Variants in NACC2 observed in about 807,000 individuals in gnomAD.
NACC2 encodes NACC family member 2, also known as nucleus accumbens-associated protein 2.
In NACC2, 8 loss-of-function variants were observed where a neutral mutation model predicts 25.1. The observed-to-expected ratio is 0.32, with a 90% confidence interval of 0.19 to 0.57. NACC2 has a LOEUF of 0.57. Among genes scored for constraint, NACC2 ranks in the 20% least tolerant of loss-of-function variants. NACC2 has a pLI of 0.89. For missense variants in NACC2, 644 were observed against 650.2 expected, an observed-to-expected ratio of 0.99 and a Z score of 0.10; for synonymous variants, 435 against 294.7, an observed-to-expected ratio of 1.48 and a Z score of -4.88.
chr9:136,051,119 C>T (rs1193783750), intron 1 of NACC2, among the ~76,000 whole-genome samples: 2 of 152,200 alleles, frequency 1.3e-5, no homozygotes, highest in African/African-American at 4.8e-5. Context: ...CAGAGGGCCC[C>T]TGCGGGGAAG....
chr9:136,069,246 T>C (rs1841122594), intron 1 of NACC2, among the ~76,000 whole-genome samples: 1 of 151,712 alleles, frequency 6.6e-6, no homozygotes, highest in Admixed American at 6.6e-5. Flanking sequence ...CTGAGTCATA[T>C]TTTAAAATGT....
At chr9:136,026,269 G>A (rs967454403) in intron 2 of NACC2, among the ~76,000 whole-genome samples, 6 of 148,446 alleles carry the variant, frequency 4.0e-5, no homozygotes, top group Admixed American at 6.8e-5. Context: ...TGAACCCAGC[G>A]GGGGTGGAGG....
intron 2 of NACC2, among the ~76,000 whole-genome samples, chr9:136,046,045 C>T (rs897448384): frequency 2.7e-4 from 41 of 152,252 alleles, no homozygotes; most frequent in Admixed American, 5.9e-4. Context: ...AAGGCGGGTA[C>T]GCGAGGAAGA....
chr9:136,077,200 G>A (rs187609589), intron 1 of NACC2, among the ~76,000 whole-genome samples: 256 of 150,442 alleles, frequency 1.7e-3, no homozygotes, highest in African/African-American at 5.4e-3. Context: ...GCGTGGTGGC[G>A]GGCGCCTGTA....
chr9:136,038,577 A>T (rs1364532295), intron 2 of NACC2, among the ~76,000 whole-genome samples: 1 of 152,208 alleles, frequency 6.6e-6, no homozygotes, highest in Non-Finnish European at 1.5e-5. Flanking sequence ...TAAACTTCCA[A>T]ATTGTACATC....
intron 1 of NACC2, among the ~76,000 whole-genome samples, chr9:136,070,585 G>A (rs967364657): frequency 6.6e-6 from 1 of 151,232 alleles, no homozygotes; most frequent in African/African-American, 2.4e-5. Flanking sequence ...GGGGCTGAGA[G>A]GAAAATTTAT....
chr9:136,026,720 A>G (rs139420339), intron 2 of NACC2, among the ~76,000 whole-genome samples: 1 of 152,364 alleles, frequency 6.6e-6, no homozygotes, highest in East Asian at 1.9e-4. Context: ...CTCAGGATGA[A>G]TGCTGAAATC....
At chr9:136,052,380 C>CTGCAGAGCT (rs1368441763) in intron 1 of NACC2, among the ~76,000 whole-genome samples, 3 of 151,166 alleles carry the variant, frequency 2.0e-5, no homozygotes, top group Admixed American at 6.6e-5. Context: ...TCCAAACAGT[C>CTGCAGAGCT]TGCAGAGCTG....
At chr9:136,061,743 G>A (rs139294414) in intron 1 of NACC2, among the ~76,000 whole-genome samples, 115 of 152,210 alleles carry the variant, frequency 7.6e-4, no homozygotes, top group African/African-American at 2.6e-3. Context: ...CAGGTGGGTG[G>A]GCGGGGACAA....
chr9:136,029,887 G>C (rs1055876236), intron 2 of NACC2, among the ~76,000 whole-genome samples: 5 of 152,168 alleles, frequency 3.3e-5, no homozygotes, highest in Non-Finnish European at 5.9e-5. Flanking sequence ...ATCCGGGCCG[G>C]TAGTGCAAAC....
At chr9:136,089,119 G>A (rs545191512) in intron 1 of NACC2, among the ~76,000 whole-genome samples, 12 of 152,274 alleles carry the variant, frequency 7.9e-5, no homozygotes, top group South Asian at 4.1e-4. Context: ...TTTCAGTTAC[G>A]CGGTTACGTT....
intron 1 of NACC2, among the ~76,000 whole-genome samples, chr9:136,073,860 C>T (rs562556482): frequency 6.6e-6 from 1 of 152,300 alleles, no homozygotes; most frequent in African/African-American, 2.4e-5. Context: ...TAAAATGCTG[C>T]CTGGTCTTGG....
intron 1 of NACC2, among the ~76,000 whole-genome samples, chr9:136,073,899 A>G (rs1413183201): frequency 1.3e-5 from 2 of 152,218 alleles, no homozygotes; most frequent in African/African-American, 4.8e-5. Context: ...AAGCAGGGTC[A>G]GCAGTAAGCG....
chr9:136,046,439 G>A (rs570478104), intron 2 of NACC2, among the ~76,000 whole-genome samples: 1 of 152,344 alleles, frequency 6.6e-6, no homozygotes, highest in African/African-American at 2.4e-5. Flanking sequence ...ACAGGGCCAG[G>A]AGGAAGGTCC....
At chr9:136,092,651 A>G (rs1251200569) in intron 1 of NACC2, among the ~76,000 whole-genome samples, 1 of 152,198 alleles carries the variant, frequency 6.6e-6, no homozygotes, top group Non-Finnish European at 1.5e-5. Flanking sequence ...CCACTGAGGC[A>G]GGGACATGTG....
intron 1 of NACC2, among the ~76,000 whole-genome samples, chr9:136,077,971 A>T (rs7859516): frequency 0.054 from 8,246 of 152,146 alleles, 741 homozygotes; most frequent in African/African-American, 0.19. Context: ...ACGGGGTTTC[A>T]CCATGTTAGC....
Position 136,084,153 on chromosome 9 carries a change from C to A in NACC2, c.-60+11036G>T, listed in dbSNP as rs558327136. On this transcript the variant is annotated intron_variant, in intron 1 of 5. Coordinates refer to ENST00000277554, the MANE Select transcript of NACC2 (RefSeq NM_144653.5). The surrounding 1 kb of genome is among the most constrained non-coding windows in gnomAD (Gnocchi z 5.1). The stretch of plus-strand genomic sequence containing the variant: ...ACATGGATCCAGCCAGGAGGGGACC[C>A]GTCTTTCCAGGAGCAGTGGGTTCCG... Among the ~76,000 whole-genome samples the A allele has an allele frequency of 8.5e-5, 13 of 152,176 alleles. No individual in the cohort carries two copies. Among genetic ancestry groups the A allele is most frequent in the African/African-American group, 2.9e-4 (12 of 41,506 alleles).
At chr9:136,094,727 G>T (rs1027558973) in intron 1 of NACC2, among the ~76,000 whole-genome samples, 3 of 151,418 alleles carry the variant, frequency 2.0e-5, no homozygotes, top group Non-Finnish European at 3.0e-5. Context: ...GCGCAGATGC[G>T]CCGGGAGGGG....
Position 136,055,936 on chromosome 9 carries a change from G to C in NACC2, c.-59-5356C>G, listed in dbSNP as rs1840918103. On this transcript the variant is annotated intron_variant, in intron 1 of 5. Coordinates refer to ENST00000277554, the MANE Select transcript of NACC2 (RefSeq NM_144653.5). The surrounding 1 kb of genome is among the most constrained non-coding windows in gnomAD (Gnocchi z 4.9). ...CGGGCCTGCTGTGCCAGGTGCTCTG[G>C]AGTCAGCAGGAGCACAGGGGGTGTT... Among the ~76,000 whole-genome samples the C allele has an allele frequency of 6.6e-6, 1 of 152,204 alleles. No homozygotes were observed. The highest frequency in any genetic ancestry group is 2.4e-5 in the African/African-American group (1 of 41,444).
Sources: allele counts gnomAD v4.1 joint callset (sites outside exome capture counted in the v4.1 genomes callset), GRCh38; gene constraint gnomAD v4.1.1; non-coding constraint Gnocchi (gnomAD v3.1); transcripts MANE v1.5; gene names NCBI Gene and HGNC (gene_info 2026-07-23, HGNC 2026-07-21).